The following THOC2 variants were observed in gnomAD, a reference collection of about 807,000 sequenced individuals.
THOC2 encodes the protein THO complex subunit 2.
THOC2 carries 10 observed loss-of-function variants against 128.4 expected under a neutral mutation model. That is an observed-to-expected ratio of 0.08 (90% confidence interval 0.05 to 0.13). The LOEUF (loss-of-function observed/expected upper bound fraction) is 0.13. Ranked by LOEUF, THOC2 falls within the 10% of genes least tolerant of loss-of-function variation. The pLI is 1.00. For synonymous variants in THOC2, 393 were observed against 396.9 expected, an observed-to-expected ratio of 0.99 and a Z score of 0.12; for missense variants, 535 against 1,155.7, an observed-to-expected ratio of 0.46 and a Z score of 7.79.
chrX:123,706,168 A>G (rs2050917585), intron 3 of THOC2, among the ~76,000 whole-genome samples: 1 of 111,672 alleles, frequency 9.0e-6, no homozygotes, highest in African/African-American at 3.2e-5. Flanking sequence ...TTTTTAAACC[A>G]TAAGTAAATG....
intron 25 of THOC2, 33 bp from the exon 26 acceptor site, chrX:123,624,702 A>C: frequency 8.6e-7 from 1 of 1,165,581 alleles, no homozygotes; most frequent in Non-Finnish European, 1.2e-6. Context: ...AAATATAAAC[A>C]AATCAAGGTC....
intron 15 of THOC2, among the ~76,000 whole-genome samples, chrX:123,643,745 A>G (rs769418651): frequency 9.0e-6 from 1 of 110,582 alleles, no homozygotes; most frequent in Admixed American, 9.7e-5. Context: ...AAAAAAAAAA[A>G]AACAACAACT....
chrX:123,637,368 G>A (rs2047712104), intron 18 of THOC2, among the ~76,000 whole-genome samples: 1 of 111,127 alleles, frequency 9.0e-6, no homozygotes, highest in South Asian at 3.8e-4. Flanking sequence ...ACTAAGTCAA[G>A]TTTTTGTTCT....
At chrX:123,726,530 A>C (rs1015933286) in intron 1 of THOC2, among the ~76,000 whole-genome samples, 1 of 109,596 alleles carries the variant, frequency 9.1e-6, no homozygotes, top group Admixed American at 9.8e-5. Flanking sequence ...AAAAAAAAAA[A>C]CTTCTCCTTA....
chrX:123,689,951 C>T (rs921699623), intron 7 of THOC2, among the ~76,000 whole-genome samples: 1 of 110,703 alleles, frequency 9.0e-6, no homozygotes, highest in African/African-American at 3.3e-5. Flanking sequence ...CCTACCTCTA[C>T]CACCAGCTAC....
intron 8 of THOC2, among the ~76,000 whole-genome samples, chrX:123,681,879 G>T (rs777815438): frequency 1.8e-5 from 2 of 111,774 alleles, no homozygotes; most frequent in South Asian, 7.6e-4. Context: ...GACCAACATG[G>T]AGAAACCCCA....
intron 21 of THOC2, among the ~76,000 whole-genome samples, chrX:123,632,195 T>C (rs1242261375): frequency 9.0e-6 from 1 of 111,146 alleles, no homozygotes; most frequent in African/African-American, 3.3e-5. Flanking sequence ...TTACAGAATA[T>C]ATTTATAAAT....
intron 1 of THOC2, among the ~76,000 whole-genome samples, chrX:123,715,679 G>C (rs926811484): frequency 1.9e-5 from 2 of 107,367 alleles, no homozygotes; most frequent in African/African-American, 6.8e-5. Context: ...CAGCTACTTG[G>C]GGGGCTGAGG....
At chrX:123,722,311 C>G (rs1053586139) in intron 1 of THOC2, among the ~76,000 whole-genome samples, 5 of 111,781 alleles carry the variant, frequency 4.5e-5, no homozygotes, top group Non-Finnish European at 9.4e-5. Flanking sequence ...AAACTTGGTA[C>G]CAACCCAAAT....
At chrX:123,682,431 T>G (rs2049824585) in intron 8 of THOC2, among the ~76,000 whole-genome samples, 1 of 111,790 alleles carries the variant, frequency 8.9e-6, no homozygotes, top group South Asian at 3.8e-4. Context: ...CTCTGATACA[T>G]CCACACTGAC....
intron 1 of THOC2, among the ~76,000 whole-genome samples, chrX:123,729,837 G>A (rs1267058472): frequency 8.9e-6 from 1 of 111,912 alleles, no homozygotes; most frequent in East Asian, 2.8e-4. Context: ...GCACCACCAC[G>A]TATTCTGCCT....
chrX:123,656,530 G>A (rs777580351), intron 12 of THOC2, among the ~76,000 whole-genome samples: 4 of 110,398 alleles, frequency 3.6e-5, no homozygotes, highest in African/African-American at 6.6e-5. Flanking sequence ...CCAACATGGC[G>A]AAACCCCGTC....
At position 123,625,857 on chromosome X, in the gene THOC2, A is replaced by T. The variant is rs2047250878; in HGVS notation, c.3057+55T>A. ...ACACACAATAATACCTCTATAAATT[A>T]TAATGTTAGCTATCTTTGTGTGAGA... On this transcript the variant is annotated intron_variant, in intron 25 of 38. Coordinates refer to ENST00000245838, the MANE Select transcript of THOC2 (RefSeq NM_001081550.2). The T allele has an allele frequency of 8.1e-6, 9 of 1,111,793 alleles. No homozygotes were observed. The African/African-American group carries it at 1.5e-4, about 18-fold the overall frequency. 91.6% of individuals were successfully genotyped at this position (1,111,793 alleles called of 1,213,427 possible).
intron 22 of THOC2, among the ~76,000 whole-genome samples, chrX:123,628,270 C>G (rs189680678): frequency 1.8e-5 from 2 of 111,519 alleles, no homozygotes; most frequent in East Asian, 5.6e-4. Context: ...TTCATTCCCC[C>G]ACCCTACTCC....
At chrX:123,609,366 A>T (rs1166452451) in intron 38 of THOC2, among the ~76,000 whole-genome samples, 1 of 112,049 alleles carries the variant, frequency 8.9e-6, no homozygotes, top group African/African-American at 3.2e-5. Flanking sequence ...ACTTTACCCT[A>T]ATCTACTTAC....
Position 123,656,880 on chromosome X carries a change from C to T in THOC2, c.1386+8762G>A, listed in dbSNP as rs751258535. ...GAAAAATTAGCTGGGTGTGGTGGCG[C>T]ATGCTTATAGTCCCAGCTACTAGAG... is the stretch of plus-strand genomic sequence containing the variant. On this transcript the variant is annotated intron_variant, in intron 12 of 38. Transcript: ENST00000245838. Among the ~76,000 whole-genome samples, 4 of 109,257 alleles carry T rather than the reference C, an allele frequency of 3.7e-5. No individual in the cohort carries two copies. The Admixed American group carries it at 3.9e-4, about 11-fold the overall frequency. 94.9% of individuals were successfully genotyped at this position (109,257 alleles called of 115,157 possible).
chrX:123,663,538 TA>T (rs5903644), intron 12 of THOC2, among the ~76,000 whole-genome samples: 66 of 100,824 alleles, frequency 6.5e-4, no homozygotes, highest in South Asian at 9.0e-4. Flanking sequence ...CTGATTTTTT[TA>T]AAAAAAAAAA....
rs762127864 is a variant in THOC2, at chrX:123,689,471, C to T, written c.602-2757G>A. 5.4e-5 allele frequency among the ~76,000 whole-genome samples: 6 copies of T among 111,662 alleles called. No individual in the cohort carries two copies. In the East Asian group the frequency reaches 8.4e-4, roughly 16 times the overall value. On this transcript the variant is annotated intron_variant, in intron 7 of 38. Coordinates refer to ENST00000245838, the MANE Select transcript of THOC2 (RefSeq NM_001081550.2). ...AGACAGGGTCTCGCTCTGTTGCCCA[C>T]GCTGGAGTGTAGTGGTGCATTCATA...
In THOC2 at chrX:123,628,018, T is replaced by G. The variant is rs1223435900; in HGVS notation, c.2482-50A>C. On this transcript the variant is annotated intron_variant, in intron 22 of 38. Coordinates refer to ENST00000245838, the MANE Select transcript of THOC2 (RefSeq NM_001081550.2). ...TACATACATACACACACAACATAAT[T>G]TATAGCTTTGACTTTCATGGCATAA... 6 of 995,982 alleles carry G rather than the reference T, an allele frequency of 6.0e-6. No individual in the cohort carries two copies. In the African/African-American group the frequency reaches 1.1e-4, roughly 19 times the overall value. 82.1% of individuals were successfully genotyped at this position (995,982 alleles called of 1,213,427 possible). A position where few individuals can be genotyped will look rare whatever the true frequency, so the allele number is the denominator to read the frequency against.
Sources: allele counts gnomAD v4.1 joint callset (sites outside exome capture counted in the v4.1 genomes callset), GRCh38; gene constraint gnomAD v4.1.1; transcripts MANE v1.5; gene names NCBI Gene and HGNC (gene_info 2026-07-23, HGNC 2026-07-21).